The following HIVEP2 variants were observed in gnomAD, a reference collection of about 807,000 sequenced individuals.
HIVEP2 encodes HIVEP zinc finger 2.
HIVEP2 carries 14 observed loss-of-function variants against 180.7 expected under a neutral mutation model. That is an observed-to-expected ratio of 0.08 (90% confidence interval 0.05 to 0.12). The LOEUF (loss-of-function observed/expected upper bound fraction) is 0.12, where lower values mean the gene tolerates loss of function less well. HIVEP2 is among the 10% of genes least tolerant of loss of function. The pLI is 1.00. For synonymous variants in HIVEP2, 1,184 were observed against 1,136.4 expected, an observed-to-expected ratio of 1.04 and a Z score of -0.84; for missense variants, 2,579 against 3,008.5, an observed-to-expected ratio of 0.86 and a Z score of 3.34.
At chr6:142,844,935 G>A (rs966378976) in intron 1 of HIVEP2, among the ~76,000 whole-genome samples, 22 of 152,188 alleles carry the variant, frequency 1.4e-4, no homozygotes, top group African/African-American at 4.1e-4. Flanking sequence ...GTGAGACCAC[G>A]AAGTGTGTCT....
At chr6:142,939,000 C>A (rs543921502) in intron 1 of HIVEP2, among the ~76,000 whole-genome samples, 1 of 151,942 alleles carries the variant, frequency 6.6e-6, no homozygotes, top group Non-Finnish European at 1.5e-5. Flanking sequence ...AATATAATTA[C>A]CTTGTAATTT....
Position 142,806,708 on chromosome 6 carries a change from ATCTG to A in HIVEP2, c.-527-23097_-527-23094del, listed in dbSNP as rs376571688. On this transcript the variant is annotated intron_variant, in intron 2 of 9. Coordinates refer to ENST00000367603, the MANE Select transcript of HIVEP2 (RefSeq NM_006734.4). Reference sequence around the variant, plus strand: ...AATTCTTATTTATCTATTTATTCTTATCTGTCTGTCTATCTAAGACATTAAAATA... The same window carrying A: ...AATTCTTATTTATCTATTTATTCTTATCTGTCTATCTAAGACATTAAAATA... 3.7e-3 allele frequency among the ~76,000 whole-genome samples: 562 copies of A among 152,300 alleles called. 1 individual carries two copies. Among genetic ancestry groups the A allele is most frequent in the Middle Eastern group, 0.01 (3 of 294 alleles).
intron 1 of HIVEP2, among the ~76,000 whole-genome samples, chr6:142,894,649 T>C (rs917439046): frequency 6.6e-6 from 1 of 152,240 alleles, no homozygotes; most frequent in Non-Finnish European, 1.5e-5. Context: ...CAGCGTGTCT[T>C]GCAGTGCTCC....
chr6:142,875,582 G>A (rs1041574009), intron 1 of HIVEP2, among the ~76,000 whole-genome samples: 12 of 152,168 alleles, frequency 7.9e-5, no homozygotes, highest in African/African-American at 2.9e-4. Flanking sequence ...AGAGCAGAGA[G>A]TAAGAAGACA....
At chr6:142,941,860 G>C (rs1383229740) in intron 1 of HIVEP2, among the ~76,000 whole-genome samples, 2 of 152,188 alleles carry the variant, frequency 1.3e-5, no homozygotes, top group South Asian at 4.1e-4. Flanking sequence ...TATTTAAACT[G>C]TGAACCGTTT....
chr6:142,929,691 G>T (rs79493838), intron 1 of HIVEP2, among the ~76,000 whole-genome samples: 3,176 of 152,240 alleles, frequency 0.021, 99 homozygotes, highest in African/African-American at 0.065. Flanking sequence ...CAATGAAAAG[G>T]ATTAAGACTT....
At chr6:142,901,435 T>A (rs1426675012) in intron 1 of HIVEP2, among the ~76,000 whole-genome samples, 2 of 152,192 alleles carry the variant, frequency 1.3e-5, no homozygotes, top group Non-Finnish European at 2.9e-5. Flanking sequence ...AACATAGATA[T>A]GCTTCTGCAA....
At chr6:142,869,037 T>C (rs1776217133) in intron 1 of HIVEP2, among the ~76,000 whole-genome samples, 1 of 152,152 alleles carries the variant, frequency 6.6e-6, no homozygotes, top group African/African-American at 2.4e-5. Context: ...TTTTGCCCCC[T>C]AGGGGATATT....
intron 5 of HIVEP2, among the ~76,000 whole-genome samples, chr6:142,768,867 A>G (rs1267546896): frequency 6.6e-6 from 1 of 152,196 alleles, no homozygotes; most frequent in African/African-American, 2.4e-5. Context: ...AAAACAATCT[A>G]TATTAATTAA....
intron 2 of HIVEP2, among the ~76,000 whole-genome samples, chr6:142,817,645 C>T (rs1006122116): frequency 3.9e-5 from 6 of 152,036 alleles, no homozygotes; most frequent in Non-Finnish European, 7.4e-5. Context: ...GACAAGGCAA[C>T]GGAAGAACAC....
chr6:142,756,484 A>G (rs1010201489), intron 9 of HIVEP2, among the ~76,000 whole-genome samples: 11 of 152,184 alleles, frequency 7.2e-5, no homozygotes, highest in African/African-American at 2.7e-4. Flanking sequence ...GCTGCCAGAA[A>G]CAAATTAAAA....
At chr6:142,905,113 C>A (rs529839460) in intron 1 of HIVEP2, among the ~76,000 whole-genome samples, 1 of 152,176 alleles carries the variant, frequency 6.6e-6, no homozygotes, top group Non-Finnish European at 1.5e-5. Context: ...CTTTCATTCA[C>A]TTTTTAAATC....
At chr6:142,904,826 T>C (rs1216422434) in intron 1 of HIVEP2, among the ~76,000 whole-genome samples, 1 of 152,220 alleles carries the variant, frequency 6.6e-6, no homozygotes, top group Non-Finnish European at 1.5e-5. Context: ...TCTTAGTCTT[T>C]CTACTTGTAT....
Position 142,771,325 on chromosome 6 carries a change from C to G in HIVEP2, c.3414G>C (p.Gln1138His). 6.2e-7 allele frequency: 1 copy of G among 1,613,198 alleles called. No individual in the cohort carries two copies. Among genetic ancestry groups the G allele is most frequent in the Non-Finnish European group, 8.5e-7 (1 of 1,180,012 alleles). ...TCAGCGGGGGACAAGGACCCGCCAC[C>G]TGCTTCCCTGGGTCCTCTTGCTGAA... ...PPLQQEDPGKQVAGPCPPLSS... is the reference protein window; with the variant it reads ...PPLQQEDPGKHVAGPCPPLSS... Residue 1138 changes from glutamine (Q) to histidine (H), a missense_variant, in exon 5 of 10, where the codon CAG becomes CAC. By Grantham distance (24) the Gln-to-His change is conservative. Coordinates refer to ENST00000367603, the MANE Select transcript of HIVEP2 (RefSeq NM_006734.4). The surrounding 1 kb of genome is among the most constrained non-coding windows in gnomAD (Gnocchi z 5.4).
intron 1 of HIVEP2, among the ~76,000 whole-genome samples, chr6:142,909,571 C>T (rs1209276805): frequency 6.6e-6 from 1 of 151,748 alleles, no homozygotes; most frequent in African/African-American, 2.4e-5. Flanking sequence ...TTTGAGATTA[C>T]ATATATCTAA....
chr6:142,879,760 C>G (rs539593362), intron 1 of HIVEP2, among the ~76,000 whole-genome samples: 1 of 152,186 alleles, frequency 6.6e-6, no homozygotes, highest in African/African-American at 2.4e-5. Context: ...AGTCTCTTCT[C>G]CAGGCAGCCT....
intron 1 of HIVEP2, among the ~76,000 whole-genome samples, chr6:142,901,338 AT>A (rs1777128792): frequency 6.6e-6 from 1 of 152,216 alleles, no homozygotes; most frequent in African/African-American, 2.4e-5. Flanking sequence ...TTTCTCTGAT[AT>A]GATAAACCTA....
chr6:142,823,412 G>A (rs1021740804), intron 2 of HIVEP2, among the ~76,000 whole-genome samples: 15 of 152,188 alleles, frequency 9.9e-5, no homozygotes, highest in African/African-American at 2.9e-4. Context: ...GTCAAAGAGT[G>A]ACTGAGTTGG....
In HIVEP2 at chr6:142,791,337, G is replaced by GCTC. The variant is rs1340009850; in HGVS notation, c.-527-7723_-527-7722insGAG. 5.6e-3 allele frequency among the ~76,000 whole-genome samples: 851 copies of GCTC among 152,276 alleles called. 5 individuals are homozygous for GCTC. Among genetic ancestry groups the GCTC allele is most frequent in the Non-Finnish European group, 9.3e-3 (631 of 68,004 alleles). On this transcript the variant is annotated intron_variant, in intron 2 of 9. Coordinates refer to ENST00000367603, the MANE Select transcript of HIVEP2 (RefSeq NM_006734.4). Reference sequence around the variant, plus strand: ...ACAACCAGGAAAGACTAGACAGAGGGAAGGGGCTCAAGTGGAAGCCATGAT... The same window carrying GCTC: ...ACAACCAGGAAAGACTAGACAGAGGGCTCAAGGGGCTCAAGTGGAAGCCATGAT...
Sources: allele counts gnomAD v4.1 joint callset (sites outside exome capture counted in the v4.1 genomes callset), GRCh38; gene constraint gnomAD v4.1.1; non-coding constraint Gnocchi (gnomAD v3.1); transcripts MANE v1.5; gene names NCBI Gene and HGNC (gene_info 2026-07-23, HGNC 2026-07-21).